The following MGMT variants were observed in gnomAD, a reference collection of about 807,000 sequenced individuals.
The protein encoded by MGMT is methylated-DNA--protein-cysteine methyltransferase.
A neutral mutation model predicts 15.9 loss-of-function variants in MGMT; 14 were observed. The ratio of observed to expected loss-of-function variants is 0.88; its 90% confidence interval spans 0.58 to 1.37. MGMT has a LOEUF of 1.37. MGMT is among the 40% of genes most tolerant of loss of function. The pLI, the probability that MGMT is intolerant of heterozygous loss-of-function variation, is 0.00. For synonymous variants in MGMT, 130 were observed against 118.2 expected (o/e 1.10, Z -0.65); for missense variants, 282 against 268.1 (o/e 1.05, Z -0.36).
At chr10:129,653,150 G>A (rs1847481816) in intron 2 of MGMT, among the ~76,000 whole-genome samples, 1 of 152,192 alleles carries the variant, frequency 6.6e-6, no homozygotes, top group African/African-American at 2.4e-5. Context: ...TTTATTTCTA[G>A]ACACCCTTTA....
At chr10:129,583,534 G>A (rs1392006497) in intron 2 of MGMT, among the ~76,000 whole-genome samples, 1 of 152,222 alleles carries the variant, frequency 6.6e-6, no homozygotes, top group Non-Finnish European at 1.5e-5. Context: ...ATCCCGGGTA[G>A]AAAGCCTGAC....
At chr10:129,646,735 TATATATATA>T (rs1387862601) in intron 2 of MGMT, among the ~76,000 whole-genome samples, 2 of 103,674 alleles carry the variant, frequency 1.9e-5, no homozygotes, top group South Asian at 5.6e-4. Flanking sequence ...TATATATATA[TATATATATA>T]TATATATATA....
chr10:129,606,823 G>A (rs958437007), intron 2 of MGMT, among the ~76,000 whole-genome samples: 10 of 152,210 alleles, frequency 6.6e-5, no homozygotes, highest in Admixed American at 6.5e-5. Context: ...CACTTTGACT[G>A]TATTAAGCTG....
chr10:129,585,498 T>G (rs1308071761), intron 2 of MGMT, among the ~76,000 whole-genome samples: 1 of 152,220 alleles, frequency 6.6e-6, no homozygotes, highest in African/African-American at 2.4e-5. Flanking sequence ...GATACTAACA[T>G]CCGCAGGTGC....
chr10:129,708,447 T>C (rs981805137), intron 3 of MGMT, among the ~76,000 whole-genome samples: 5 of 152,204 alleles, frequency 3.3e-5, no homozygotes, highest in Admixed American at 3.3e-4. Context: ...TACACTCTGT[T>C]GGTGACACTT....
chr10:129,626,017 C>T (rs888755893), intron 2 of MGMT, among the ~76,000 whole-genome samples: 1 of 152,192 alleles, frequency 6.6e-6, no homozygotes, highest in East Asian at 1.9e-4. Context: ...CTCGTGATGG[C>T]GCAGAATATG....
intron 2 of MGMT, among the ~76,000 whole-genome samples, chr10:129,564,593 A>ATTTTCCTCCTCCTCCCCCTCC (rs1846327466): frequency 1.0e-4 from 1 of 9,994 alleles, no homozygotes; most frequent in Non-Finnish European, 2.1e-4. Context: ...CCTCCCCCTC[A>ATTTTCCTCCTCCTCCCCCTCC]TTTTCCTCCT....
At chr10:129,550,647 G>C (rs759742996) in intron 2 of MGMT, among the ~76,000 whole-genome samples, 1 of 151,964 alleles carries the variant, frequency 6.6e-6, no homozygotes, top group Non-Finnish European at 1.5e-5. Flanking sequence ...GGGTTTCACC[G>C]TGTTGCCAGG....
intron 2 of MGMT, among the ~76,000 whole-genome samples, chr10:129,672,906 C>T (rs1435403218): frequency 2.0e-5 from 3 of 152,098 alleles, no homozygotes; most frequent in Admixed American, 6.5e-5. Flanking sequence ...GTAGAAATGA[C>T]GTATTGCCCG....
chr10:129,679,706 A>G (rs1294229472), intron 2 of MGMT, among the ~76,000 whole-genome samples: 1 of 152,180 alleles, frequency 6.6e-6, no homozygotes. Flanking sequence ...TTTTTTATTC[A>G]GCATTGGTGC....
At position 129,693,852 on chromosome 10, in the gene MGMT, G is replaced by GA. The variant is rs1254118613; in HGVS notation, c.126-14042dup. On this transcript the variant is annotated intron_variant, in intron 2 of 4. Coordinates refer to ENST00000651593, the MANE Select transcript of MGMT (RefSeq NM_002412.5). ...CGAGAGGTGGAGGTTGCAGTGAGCC[G>GA]ACATCATGCCGCTGCACTGCAGCGT... is the stretch of plus-strand genomic sequence containing the variant. 5 of 152,328 alleles carry GA rather than the reference G, an allele frequency of 3.3e-5. No individual in the cohort carries two copies. In the East Asian group the frequency reaches 5.8e-4, roughly 18 times the overall value. 9.4% of individuals were successfully genotyped at this position (152,328 alleles called of 1,614,324 possible).
intron 2 of MGMT, among the ~76,000 whole-genome samples, chr10:129,642,794 T>C (rs1847342198): frequency 6.6e-6 from 1 of 152,262 alleles, no homozygotes; most frequent in African/African-American, 2.4e-5. Flanking sequence ...GGGCCGGGTA[T>C]TGTGGCTCAC....
chr10:129,563,387 CT>C (rs1490287907), intron 2 of MGMT, among the ~76,000 whole-genome samples: 1 of 152,120 alleles, frequency 6.6e-6, no homozygotes, highest in African/African-American at 2.4e-5. Context: ...GAGGCCGAGT[CT>C]TCTGTGGTTT....
intron 2 of MGMT, among the ~76,000 whole-genome samples, chr10:129,565,689 T>C (rs1846346539): frequency 6.6e-6 from 1 of 152,174 alleles, no homozygotes; most frequent in African/African-American, 2.4e-5. Context: ...GCCCATGTTC[T>C]TCTGCCATAG....
rs368623681 is a variant in MGMT at position 129,511,955 on chromosome 10, G to A, written c.-12-24286G>A. ...AAGGCTGGCTGCTGCTCTTCCTTAG[G>A]TCTGAGTCTGGCTGTCCTCTTTCCA... On this transcript the variant is annotated intron_variant, in intron 1 of 4. Coordinates refer to ENST00000651593, the MANE Select transcript of MGMT (RefSeq NM_002412.5). Among the ~76,000 whole-genome samples the A allele has an allele frequency of 3.3e-5, 5 of 152,302 alleles. 1 individual carries two copies. Among genetic ancestry groups the A allele is most frequent in the Middle Eastern group, 3.4e-3 (1 of 294 alleles).
intron 2 of MGMT, among the ~76,000 whole-genome samples, chr10:129,704,068 A>G (rs1260527596): frequency 2.0e-5 from 3 of 152,180 alleles, no homozygotes; most frequent in Admixed American, 1.3e-4. Flanking sequence ...ACAGCAAAGT[A>G]CATTACATAT....
chr10:129,560,651 T>C (rs535415063), intron 2 of MGMT, among the ~76,000 whole-genome samples: 48 of 152,358 alleles, frequency 3.2e-4, no homozygotes, highest in Non-Finnish European at 6.5e-4. Flanking sequence ...TGAGTATTTA[T>C]GTGCCCTGAC....
intron 2 of MGMT, among the ~76,000 whole-genome samples, chr10:129,572,319 T>C (rs1846429567): frequency 6.6e-6 from 1 of 152,262 alleles, no homozygotes; most frequent in Non-Finnish European, 1.5e-5. Flanking sequence ...CCAACACTTT[T>C]TCTTCAAATC....
chr10:129,615,988 G>C (rs79327010), intron 2 of MGMT, among the ~76,000 whole-genome samples: 1 of 152,150 alleles, frequency 6.6e-6, no homozygotes, highest in Non-Finnish European at 1.5e-5. Context: ...TTTGCAGATG[G>C]GGGTGGGGTG....
Sources: allele counts gnomAD v4.1 joint callset (sites outside exome capture counted in the v4.1 genomes callset), GRCh38; gene constraint gnomAD v4.1.1; transcripts MANE v1.5; gene names NCBI Gene and HGNC (gene_info 2026-07-23, HGNC 2026-07-21).